Variants in SLC19A1 observed in about 807,000 individuals in gnomAD.
SLC19A1 encodes the protein solute carrier family 19 member 1, also known as reduced folate transporter.
In SLC19A1, 37 loss-of-function variants were observed where a neutral mutation model predicts 35.3. That is an observed-to-expected ratio of 1.05 (90% CI 0.81 to 1.38). The LOEUF is 1.38. Ranked by LOEUF, SLC19A1 falls within the 40% of genes most tolerant of loss-of-function variation. The pLI, the probability that SLC19A1 is intolerant of heterozygous loss-of-function variation, is 0.00. For missense variants in SLC19A1, 831 were observed against 826.9 expected, an observed-to-expected ratio of 1.00 and a Z score of -0.06; for synonymous variants, 460 against 398.5, an observed-to-expected ratio of 1.15 and a Z score of -1.84.
chr21:45,506,058 A>G (rs1602622815), intron 3 of SLC19A1: 3 of 1,589,766 alleles, frequency 1.9e-6, no homozygotes, highest in Middle Eastern at 1.9e-4. Context: ...GGCCCCGGAC[A>G]GGGATGGGAG....
chr21:45,505,226 C>CGGCCCCCCA lies in SLC19A1; in HGVS notation c.498-6623_498-6615dup, dbSNP rs759403198. On this transcript the variant is annotated intron_variant, in intron 3 of 4. Transcript: ENST00000417954. Reference sequence around the variant, plus strand: ...GCTACGAGGGGCGCCAGGGCCCTCCCGGCCCCCCAGGCCCCCCAGGGCCCC... The same window carrying CGGCCCCCCA: ...GCTACGAGGGGCGCCAGGGCCCTCCCGGCCCCCCAGGCCCCCCAGGCCCCCCAGGGCCCC... 677 of 1,579,476 alleles carry CGGCCCCCCA rather than the reference C, an allele frequency of 4.3e-4. 6 individuals are homozygous for CGGCCCCCCA. In the South Asian group the frequency reaches 5.7e-3, roughly 13 times the overall value.
At chr21:45,538,779 A>G (rs1172445231) in intron 1 of SLC19A1, among the ~76,000 whole-genome samples, 1 of 152,198 alleles carries the variant, frequency 6.6e-6, no homozygotes, top group Non-Finnish European at 1.5e-5. Flanking sequence ...AGCAGCTGGC[A>G]GGAGCCATGA....
At position 45,534,682 on chromosome 21, in the gene SLC19A1, CT is replaced by C; in HGVS notation, c.190-2535del. On this transcript the variant is annotated intron_variant, in intron 2 of 5. Transcript: ENST00000311124. This position sits in a 1 kb window ranked among gnomAD's most constrained non-coding sequence, Gnocchi z 4.2. ...GCAGCCACCCAGAGCCCTCCCGCTC[CT>C]CTCCCTGCACCTCCTCAACGGCCCC... 8.0e-7 allele frequency: 1 copy of C among 1,246,628 alleles called. No individual in the cohort carries two copies. The highest frequency in any genetic ancestry group is 1.1e-6 in the Non-Finnish European group (1 of 886,694). 77.2% of individuals were successfully genotyped at this position (1,246,628 alleles called of 1,614,324 possible).
chr21:45,537,628 G>GGCA (rs2078164402), intron 2 of SLC19A1, 143 bp downstream of exon 2: 1 of 132,132 alleles, frequency 7.6e-6, no homozygotes, highest in Non-Finnish European at 1.1e-5. Flanking sequence ...GGCACCCAGC[G>GGCA]CCCACGTGCC....
In SLC19A1 at chr21:45,512,608, T is replaced by TCACCTGCCCCAACTCTCC. The variant is rs771009945; in HGVS notation, c.*3032_*3049dup. 1 of 611,514 alleles carries TCACCTGCCCCAACTCTCC rather than the reference T, an allele frequency of 1.6e-6. No homozygotes were observed. Among genetic ancestry groups the TCACCTGCCCCAACTCTCC allele is most frequent in the Non-Finnish European group, 2.9e-6 (1 of 347,980 alleles). The allele number at this position is 611,514 out of a possible 1,614,324, so 37.9% of individuals were successfully genotyped here. A position where few individuals can be genotyped will look rare whatever the true frequency, so the allele number is the denominator to read the frequency against. On this transcript the variant is annotated 3_prime_UTR_variant, in exon 6 of 6. Coordinates refer to ENST00000311124, the MANE Select transcript of SLC19A1 (RefSeq NM_194255.4). ...TAAAACAGAAGCCTGATGCTGACAT[T>TCACCTGCCCCAACTCTCC]CACCTGCCCCAACTCTCCCCTGACC...
At position 45,530,701 on chromosome 21, in the gene SLC19A1, A is replaced by G. The variant is rs767670734; in HGVS notation, c.1151+69T>C. 31 of 1,459,696 alleles carry G rather than the reference A, an allele frequency of 2.1e-5. No individual in the cohort carries two copies. The highest frequency in any genetic ancestry group is 2.8e-5 in the Non-Finnish European group (30 of 1,074,182). The allele number at this position is 1,459,696 out of a possible 1,614,324, so 90.4% of individuals were successfully genotyped here. ...TGGGGCGCAGCAGGAAGGTGGGAGCACCCAGCGAAGCGCGGGGCTTGATCC... is the reference window on the plus strand; with the variant it reads ...TGGGGCGCAGCAGGAAGGTGGGAGCGCCCAGCGAAGCGCGGGGCTTGATCC... On this transcript the variant is annotated intron_variant, in intron 4 of 5. Transcript: ENST00000311124. The surrounding 1 kb of genome is among the most constrained non-coding windows in gnomAD (Gnocchi z 5.3).
upstream of SLC19A1, among the ~76,000 whole-genome samples, chr21:45,547,369 G>A (rs564189824): frequency 6.6e-6 from 1 of 152,158 alleles, no homozygotes; most frequent in South Asian, 2.1e-4. Flanking sequence ...ACTGGTTCAG[G>A]CCATGAGGGG....
chr21:45,549,077 A>G (rs550392840), upstream of SLC19A1, among the ~76,000 whole-genome samples: 4 of 152,376 alleles, frequency 2.6e-5, no homozygotes, highest in Admixed American at 1.3e-4. Flanking sequence ...ACAAAAGCCC[A>G]TGCACAGGGG....
intron 5 of SLC19A1, among the ~76,000 whole-genome samples, chr21:45,521,236 G>T (rs563263487): frequency 1.3e-5 from 2 of 152,284 alleles, no homozygotes; most frequent in South Asian, 4.1e-4. Flanking sequence ...GTGATATTTT[G>T]CTATGGCAGC....
chr21:45,506,415 A>G, intron 3 of SLC19A1: 1 of 322,994 alleles, frequency 3.1e-6, no homozygotes, highest in Non-Finnish European at 6.1e-6. Flanking sequence ...GATGAAATGC[A>G]TCCTCTCTGC....
downstream of SLC19A1, chr21:45,509,338 C>T: frequency 6.5e-7 from 1 of 1,542,928 alleles, no homozygotes; most frequent in Non-Finnish European, 8.7e-7. Flanking sequence ...CGACAGGCCC[C>T]ACGTCTCCCA....
At chr21:45,505,980 G>A (rs536376474) in intron 3 of SLC19A1, 1 of 1,613,010 alleles carries the variant, frequency 6.2e-7, no homozygotes, top group East Asian at 2.2e-5. Context: ...AGCGCTCTGT[G>A]TGACGGGTTC....
Position 45,516,114 on chromosome 21 carries a change from C to T in SLC19A1, c.1320G>A (p.Leu440=), listed in dbSNP as rs777949674. ...KQFQLYSVYF[L]ILSIIYFLGA... is the part of the protein sequence containing the mutation. ...CCAAGAAGTAGATGATGGACAGGAT[C>T]AGGAAGTACACGGAGTATAACTGGA... Residue 440 remains leucine, a synonymous_variant, in exon 6 of 6, where the codon CTG becomes CTA. Transcript: ENST00000311124. 2 of 1,608,440 alleles carry T rather than the reference C, an allele frequency of 1.2e-6. No homozygotes were observed. The highest frequency in any genetic ancestry group is 1.7e-6 in the Non-Finnish European group (2 of 1,178,546).
chr21:45,545,949 C>CTCTCCCAG (rs1365020488), upstream of SLC19A1, among the ~76,000 whole-genome samples: 1 of 152,236 alleles, frequency 6.6e-6, no homozygotes, highest in Admixed American at 6.5e-5. Flanking sequence ...GCTGCAGCTG[C>CTCTCCCAG]CCCTCTCTCC....
intron 3 of SLC19A1, chr21:45,507,287 G>A: frequency 3.7e-6 from 2 of 539,392 alleles, no homozygotes; most frequent in Non-Finnish European, 6.7e-6. Flanking sequence ...GACTGGGAGG[G>A]CCGGGTGCTG....
At position 45,533,470 on chromosome 21, in the gene SLC19A1, C is replaced by T. The variant is rs540779329; in HGVS notation, c.190-1322G>A. ...AGGCCCCACCCCTGTGAGGCCAAGC[C>T]GCTTGCCTTGCCCCTCCCTGGGGAC... On this transcript the variant is annotated intron_variant, in intron 2 of 5. Transcript: ENST00000311124. This position sits in a 1 kb window ranked among gnomAD's most constrained non-coding sequence, Gnocchi z 4.5. 1.0e-3 allele frequency among the ~76,000 whole-genome samples: 154 copies of T among 152,300 alleles called. 1 individual carries two copies. The highest frequency in any genetic ancestry group is 6.8e-3 in the Middle Eastern group (2 of 294).
rs2037911592 is a variant in SLC19A1, at chr21:45,516,023, C to A, written c.1411G>T (p.Gly471Cys). 6.3e-7 allele frequency: 1 copy of A among 1,578,226 alleles called. No homozygotes were observed. The highest frequency in any genetic ancestry group is 1.3e-5 in the African/African-American group (1 of 74,546). ...GHHPRQPPAQ[G>C]LRSAAEEKAA... ...TTCTCCTCCGCGGCACTCCTCAGGCCCTGGGCCGGGGGCTGCCGCGGGTGG... is the reference window on the plus strand; with the variant it reads ...TTCTCCTCCGCGGCACTCCTCAGGCACTGGGCCGGGGGCTGCCGCGGGTGG... The change falls in exon 6 of 6, where the codon GGC becomes TGC. Residue 471 changes from glycine to cysteine, a missense_variant. Physicochemically the swap from Gly to Cys is radical, Grantham distance 159. Coordinates refer to ENST00000311124, the MANE Select transcript of SLC19A1 (RefSeq NM_194255.4).
At chr21:45,562,777 G>A (rs980522162) in exon 1 of SLC19A1, among the ~76,000 whole-genome samples, 5 of 152,014 alleles carry the variant, frequency 3.3e-5, no homozygotes, top group Admixed American at 1.3e-4. Context: ...ATCCTCCTCC[G>A]GTATCTAGGT....
upstream of SLC19A1, among the ~76,000 whole-genome samples, chr21:45,546,739 C>T (rs1602935615): frequency 6.6e-6 from 1 of 152,362 alleles, no homozygotes; most frequent in South Asian, 2.1e-4. Flanking sequence ...TTGAAGCCTA[C>T]ACTGCCTGGT....
Sources: allele counts gnomAD v4.1 joint callset (sites outside exome capture counted in the v4.1 genomes callset), GRCh38; gene constraint gnomAD v4.1.1; non-coding constraint Gnocchi (gnomAD v3.1); transcripts MANE v1.5; gene names NCBI Gene and HGNC (gene_info 2026-07-23, HGNC 2026-07-21).